The following BLTP1 variants were observed in gnomAD, a reference collection of about 807,000 sequenced individuals.
BLTP1 encodes fragile site-associated protein.
At chr4:122,240,091 G>A in the BLTP1 span, 5 of 1,614,156 alleles carry the variant, frequency 3.1e-6, no homozygotes, top group Non-Finnish European at 1.7e-6. Flanking sequence ...TCTGCGTTAG[G>A]TGGAGAAGAT....
the BLTP1 span, chr4:122,299,137 T>C: frequency 1.0e-6 from 1 of 985,090 alleles, no homozygotes; most frequent in East Asian, 1.1e-4. Flanking sequence ...CAGAAATGTG[T>C]ATTTTTTGGC....
the BLTP1 span, chr4:122,227,596 T>C: frequency 1.0e-5 from 4 of 392,908 alleles, no homozygotes; most frequent in African/African-American, 2.2e-5. Flanking sequence ...CCTATATGTC[T>C]TTCCTTTTTT....
At chr4:122,337,552 T>C in the BLTP1 span, among the ~76,000 whole-genome samples, 7 of 152,224 alleles carry the variant, frequency 4.6e-5, no homozygotes, top group East Asian at 1.2e-3. Context: ...CCAAGAAGTT[T>C]CATAGATCTT....
chr4:122,231,876 T>C, the BLTP1 span: 1 of 932,192 alleles, frequency 1.1e-6, no homozygotes, highest in African/African-American at 1.8e-5. Flanking sequence ...GAGATTTTTA[T>C]TGAAATTACA....
chr4:122,235,338 T>C, the BLTP1 span: 1 of 983,364 alleles, frequency 1.0e-6, no homozygotes, highest in Non-Finnish European at 1.2e-6. Flanking sequence ...GATAAATACT[T>C]AGGAATAGCT....
chr4:122,323,255 G>A, the BLTP1 span, among the ~76,000 whole-genome samples: 18 of 152,060 alleles, frequency 1.2e-4, no homozygotes, highest in South Asian at 3.5e-3. Context: ...CTTCCTTGTC[G>A]CCTTTCTTAC....
the BLTP1 span, chr4:122,154,345 C>T: frequency 2.8e-5 from 28 of 984,726 alleles, no homozygotes; most frequent in Non-Finnish European, 3.4e-5. Context: ...GTGGTTTAAT[C>T]TGCCTATATT....
the BLTP1 span, chr4:122,347,026 C>G: frequency 3.9e-6 from 3 of 767,882 alleles, no homozygotes; most frequent in African/African-American, 5.7e-5. Context: ...ACTATCCTAA[C>G]AAATTAGTAA....
chr4:122,226,754 A>G, the BLTP1 span: 7 of 1,613,502 alleles, frequency 4.3e-6, no homozygotes, highest in Non-Finnish European at 5.9e-6. Flanking sequence ...TTCATGTGGT[A>G]TGTCGGGAGT....
the BLTP1 span, among the ~76,000 whole-genome samples, chr4:122,260,325 T>C: frequency 4.6e-5 from 7 of 152,322 alleles, no homozygotes; most frequent in Non-Finnish European, 8.8e-5. Flanking sequence ...GGCACATGAC[T>C]GTATTGTAAA....
the BLTP1 span, chr4:122,257,419 T>G: frequency 6.2e-7 from 1 of 1,613,990 alleles, no homozygotes; most frequent in Non-Finnish European, 8.5e-7. Flanking sequence ...AACATGAAGA[T>G]GGACTTGGAT....
chr4:122,207,499 A>G, the BLTP1 span: 1 of 1,529,410 alleles, frequency 6.5e-7, no homozygotes, highest in Non-Finnish European at 8.7e-7. Context: ...ATTAAAAGTA[A>G]ATTTACTTTT....
the BLTP1 span, among the ~76,000 whole-genome samples, chr4:122,173,671 G>C: frequency 6.6e-6 from 1 of 152,120 alleles, no homozygotes; most frequent in African/African-American, 2.4e-5. Flanking sequence ...TGATAGTTAA[G>C]ATAATCTAAC....
At chr4:122,173,982 C>T in the BLTP1 span, among the ~76,000 whole-genome samples, 3 of 152,010 alleles carry the variant, frequency 2.0e-5, no homozygotes, top group African/African-American at 7.2e-5. Flanking sequence ...TTGTATGTTT[C>T]ATTTTATGGC....
the BLTP1 span, chr4:122,341,017 AATT>A: frequency 6.1e-6 from 1 of 163,106 alleles, no homozygotes; most frequent in East Asian, 1.9e-4. Context: ...TATTTTCCTA[AATT>A]ATTAAATATT....
chr4:122,277,549 G>T, the BLTP1 span: 1 of 951,974 alleles, frequency 1.1e-6, no homozygotes, highest in Non-Finnish European at 1.3e-6. Flanking sequence ...TCTAGGCATT[G>T]GAAAGAGCAA....
chr4:122,281,306 A>G, the BLTP1 span: 1 of 978,420 alleles, frequency 1.0e-6, no homozygotes, highest in African/African-American at 1.8e-5. Context: ...TCACCTTCAC[A>G]GTATAACATT....
At chr4:122,179,672 A>T in the BLTP1 span, among the ~76,000 whole-genome samples, 1 of 152,312 alleles carries the variant, frequency 6.6e-6, no homozygotes, top group East Asian at 1.9e-4. Flanking sequence ...AGGGAAAAGG[A>T]CACATACAGA....
the BLTP1 span, among the ~76,000 whole-genome samples, chr4:122,329,169 C>T: frequency 1.3e-5 from 2 of 151,710 alleles, no homozygotes; most frequent in Non-Finnish European, 2.9e-5. Flanking sequence ...GTTATTATTG[C>T]AGATCTACTT....
Sources: gnomAD v4.1 joint callset for allele counts (sites outside exome capture counted in the v4.1 genomes callset) on GRCh38, gnomAD v4.1.1 for gene constraint, MANE v1.5 for transcripts, NCBI Gene and HGNC (gene_info 2026-07-23, HGNC 2026-07-21) for gene names.